The following SLC12A6 variants were observed in gnomAD, a reference collection of about 807,000 sequenced individuals.
SLC12A6 encodes solute carrier family 12 member 6, also known as K-Cl cotransporter 3.
In SLC12A6, 66 loss-of-function variants were observed where a neutral mutation model predicts 135.3. The observed-to-expected ratio is 0.49, with a 90% CI of 0.40 to 0.60. The LOEUF (loss-of-function observed/expected upper bound fraction) is 0.60. Among genes scored for constraint, SLC12A6 ranks in the 20% least tolerant of loss-of-function variants. The pLI, the probability that SLC12A6 is intolerant of heterozygous loss-of-function variation, is 0.00. For missense variants in SLC12A6, 1,058 were observed against 1,452.3 expected (o/e 0.73, Z 4.41); for synonymous variants, 513 against 508.8 (o/e 1.01, Z -0.11).
chr15:34,235,904 G>T lies in SLC12A6; in HGVS notation c.3227+111C>A, dbSNP rs572443775. 1.1e-5 allele frequency: 9 copies of T among 852,632 alleles called. No individual in the cohort carries two copies. The African/African-American group carries it at 1.2e-4, about 11-fold the overall frequency. The allele number at this position is 852,632 out of a possible 1,614,324, so 52.8% of individuals were successfully genotyped here. ...ATGAACAGGCAAACAATAATGAGGT[G>T]GCTAGATTCAGGGTGAAATGAACAG... On this transcript the variant is annotated intron_variant, in intron 24 of 25. Transcript: ENST00000354181.
chr15:34,316,404 A>G (rs1302516366), intron 2 of SLC12A6, among the ~76,000 whole-genome samples: 1 of 152,244 alleles, frequency 6.6e-6, no homozygotes, highest in African/African-American at 2.4e-5. Flanking sequence ...GGTTTAAAAA[A>G]ACAAATAACT....
At chr15:34,272,507 C>A (rs900604293) in intron 3 of SLC12A6, among the ~76,000 whole-genome samples, 15 of 152,112 alleles carry the variant, frequency 9.9e-5, no homozygotes, top group African/African-American at 3.4e-4. Flanking sequence ...CTCCATGAAT[C>A]TAGGAGAGAG....
rs973388837 is a variant in SLC12A6, at chr15:34,230,633, CTT to C, written c.*3246_*3247del. 1 of 152,590 alleles carries C rather than the reference CTT, an allele frequency of 6.6e-6. No homozygotes were observed. Among genetic ancestry groups the C allele is most frequent in the Non-Finnish European group, 1.5e-5 (1 of 68,026 alleles). The allele number at this position is 152,590 out of a possible 1,614,324, so 9.5% of individuals were successfully genotyped here. A position where few individuals can be genotyped will look rare whatever the true frequency, so the allele number is the denominator to read the frequency against. On this transcript the variant is annotated 3_prime_UTR_variant, in exon 26 of 26. Transcript: ENST00000354181. ...ATCTTATTCAAAAGGCAGGTATTTC[CTT>C]TGTTTTCTGTCTTGAAATAGCCCCT...
In SLC12A6 at chr15:34,336,751, G is replaced by A; in HGVS notation, c.-71C>T. The A allele has an allele frequency of 8.4e-7, 1 of 1,191,628 alleles. No individual in the cohort carries two copies. Among genetic ancestry groups the A allele is most frequent in the Non-Finnish European group, 1.3e-6 (1 of 796,554 alleles). The allele number at this position is 1,191,628 out of a possible 1,614,324, so 73.8% of individuals were successfully genotyped here. On this transcript the variant is annotated splice_region_variant and 5_prime_UTR_variant, in exon 2 of 26. Transcript: ENST00000354181. ...TCTTCCTCTTACGCTAGCTACTTTT[G>A]ACTGCAATACAAAAGATAACTTGAA...
chr15:34,262,657 G>T (rs959001214), intron 3 of SLC12A6, among the ~76,000 whole-genome samples: 6 of 152,184 alleles, frequency 3.9e-5, no homozygotes, highest in Non-Finnish European at 8.8e-5. Context: ...AGAGCTATTA[G>T]CACACGGTAA....
chr15:34,257,449 G>T, intron 6 of SLC12A6, 193 bp downstream of exon 6: 1 of 582,940 alleles, frequency 1.7e-6, no homozygotes, highest in Non-Finnish European at 3.1e-6. Flanking sequence ...TCATATAATA[G>T]ATAGCAAGCA....
At chr15:34,257,307 A>G (rs1291174643) in intron 6 of SLC12A6, among the ~76,000 whole-genome samples, 1 of 152,238 alleles carries the variant, frequency 6.6e-6, no homozygotes, top group African/African-American at 2.4e-5. Context: ...GTGATACATC[A>G]CATTTTCTAA....
At chr15:34,238,793 C>T in intron 20 of SLC12A6, 172 bp downstream of exon 20, 1 of 722,776 alleles carries the variant, frequency 1.4e-6, no homozygotes, top group Non-Finnish European at 2.5e-6. Context: ...TAATGTGAAG[C>T]TGAAGGGGGT....
rs576238616 is a variant in SLC12A6, at chr15:34,274,401, G to T, written c.316+944C>A. 7.4e-4 allele frequency among the ~76,000 whole-genome samples: 113 copies of T among 152,294 alleles called. No individual in the cohort carries two copies. In the Middle Eastern group the frequency reaches 0.01, roughly 14 times the overall value. ...AGTACTTTTAAGAGGTGGAAATGAG[G>T]TGGTAAGAAGAAGAGATACTTTTAC... On this transcript the variant is annotated intron_variant, in intron 3 of 25. Transcript: ENST00000354181.
intron 2 of SLC12A6, among the ~76,000 whole-genome samples, chr15:34,335,783 G>A (rs527911464): frequency 6.6e-6 from 1 of 152,272 alleles, no homozygotes; most frequent in African/African-American, 2.4e-5. Flanking sequence ...CTAAAGCTCA[G>A]AGAGAATAAA....
chr15:34,244,873 T>C (rs1031396829), intron 15 of SLC12A6, among the ~76,000 whole-genome samples: 2 of 152,250 alleles, frequency 1.3e-5, no homozygotes, highest in African/African-American at 4.8e-5. Flanking sequence ...CTCATCACGC[T>C]ATATGGGAAT....
chr15:34,285,096 G>A (rs1403524019), intron 2 of SLC12A6, among the ~76,000 whole-genome samples: 1 of 152,174 alleles, frequency 6.6e-6, no homozygotes, highest in Non-Finnish European at 1.5e-5. Context: ...CAGGATTTTT[G>A]TTTTTACTGT....
Position 34,254,455 on chromosome 15 carries a change from T to C in SLC12A6, c.1011A>G (p.Val337=). Residue 337 remains valine (V), a synonymous_variant, in exon 9 of 26, where the codon GTA becomes GTG. Transcript: ENST00000354181. ...VLMVLVVFIG[V]RYVNKFASLF... is the part of the protein sequence containing the mutation. Reference sequence around the variant, plus strand: ...GTGAGGCAAACTTGTTCACATAGCGTACGCCGATAAATACCACTAATACCA... The same window carrying C: ...GTGAGGCAAACTTGTTCACATAGCGCACGCCGATAAATACCACTAATACCA... 1 of 1,614,010 alleles carries C rather than the reference T, an allele frequency of 6.2e-7. No individual in the cohort carries two copies. The highest frequency in any genetic ancestry group is 8.5e-7 in the Non-Finnish European group (1 of 1,179,874).
At chr15:34,331,670 C>A (rs1050433621) in intron 2 of SLC12A6, among the ~76,000 whole-genome samples, 1 of 152,038 alleles carries the variant, frequency 6.6e-6, no homozygotes, top group African/African-American at 2.4e-5. Context: ...TCCTCAAGAA[C>A]CCTACAGCAT....
intron 2 of SLC12A6, among the ~76,000 whole-genome samples, chr15:34,321,371 T>C (rs1375874339): frequency 6.6e-6 from 1 of 152,190 alleles, no homozygotes; most frequent in Non-Finnish European, 1.5e-5. Context: ...GTGATGTGCA[T>C]GGAGAGTGAT....
At position 34,260,966 on chromosome 15, in the gene SLC12A6, T is replaced by C. The variant is rs1297985271; in HGVS notation, c.371A>G (p.Glu124Gly). Residue 124 changes from glutamate to glycine, a missense_variant, in exon 4 of 26, where the codon GAA becomes GGA. Glu to Gly is a moderately conservative substitution (Grantham distance 98). Transcript: ENST00000354181. ...ATTTTTATCAAAATATTCATCTCCT[T>C]CTTCATAATTGGAATTATTGAGATA... ...NAYLNNSNYEEGDEYFDKNLA... is the reference protein window; with the variant it reads ...NAYLNNSNYEGGDEYFDKNLA... 1.9e-6 allele frequency: 3 copies of C among 1,571,678 alleles called. No homozygotes were observed. Among genetic ancestry groups the C allele is most frequent in the Non-Finnish European group, 8.8e-7 (1 of 1,141,386 alleles).
chr15:34,336,137 C>A (rs911907353), intron 2 of SLC12A6, among the ~76,000 whole-genome samples: 10 of 152,102 alleles, frequency 6.6e-5, no homozygotes, highest in African/African-American at 2.4e-4. Flanking sequence ...CCAAAATACC[C>A]ATTTCATTTC....
At chr15:34,266,789 C>A (rs1893554517) in intron 3 of SLC12A6, among the ~76,000 whole-genome samples, 1 of 152,170 alleles carries the variant, frequency 6.6e-6, no homozygotes, top group Non-Finnish European at 1.5e-5. Context: ...TTTTGCTCAA[C>A]AAATTACCTC....
intron 18 of SLC12A6, 184 bp from the exon 19 acceptor site, chr15:34,241,013 G>A: frequency 3.0e-6 from 2 of 662,080 alleles, no homozygotes; most frequent in Admixed American, 4.6e-5. Flanking sequence ...ACTATCTCAA[G>A]TTGATCAGTC....
Sources: allele counts gnomAD v4.1 joint callset (sites outside exome capture counted in the v4.1 genomes callset), GRCh38; gene constraint gnomAD v4.1.1; transcripts MANE v1.5; gene names NCBI Gene and HGNC (gene_info 2026-07-23, HGNC 2026-07-21).